Variants in GALNTL6 observed in about 807,000 individuals in gnomAD.
The protein encoded by GALNTL6 is polypeptide N-acetylgalactosaminyltransferase like 6.
In GALNTL6, 46 loss-of-function variants were observed where a neutral mutation model predicts 73.7. The ratio of observed to expected loss-of-function variants is 0.62; its 90% CI spans 0.49 to 0.80. GALNTL6 has a LOEUF of 0.80. GALNTL6 is among the 30% of genes least tolerant of loss of function. The probability of loss-of-function intolerance (pLI) is 0.00; values close to 1 mark genes in which losing one functional copy is unlikely to be tolerated. For missense variants in GALNTL6, 604 were observed against 755.0 expected, an observed-to-expected ratio of 0.80 and a Z score of 2.34; for synonymous variants, 259 against 263.7, an observed-to-expected ratio of 0.98 and a Z score of 0.17.
At chr4:172,756,143 T>C (rs1405665501) in intron 5 of GALNTL6, among the ~76,000 whole-genome samples, 1 of 152,228 alleles carries the variant, frequency 6.6e-6, no homozygotes, top group Non-Finnish European at 1.5e-5. Context: ...AGTAAGTTAT[T>C]ATAGCCAACT....
intron 2 of GALNTL6, among the ~76,000 whole-genome samples, chr4:172,151,839 C>T (rs532728629): frequency 7.9e-5 from 12 of 151,848 alleles, no homozygotes; most frequent in African/African-American, 2.2e-4. Context: ...GGCTGTGACA[C>T]TACCTCTTAT....
chr4:171,944,173 T>C (rs1038280180), intron 2 of GALNTL6, among the ~76,000 whole-genome samples: 1 of 152,008 alleles, frequency 6.6e-6, no homozygotes, highest in East Asian at 1.9e-4. Flanking sequence ...TCTTAAAAGA[T>C]AGATAATTTT....
At chr4:172,978,913 TA>T (rs1305328375) in intron 10 of GALNTL6, among the ~76,000 whole-genome samples, 5 of 152,262 alleles carry the variant, frequency 3.3e-5, no homozygotes. Context: ...ATGAATACGT[TA>T]GAATCAGGCA....
intron 5 of GALNTL6, among the ~76,000 whole-genome samples, chr4:172,660,004 T>C (rs1397418154): frequency 6.6e-6 from 1 of 152,220 alleles, no homozygotes; most frequent in Non-Finnish European, 1.5e-5. Flanking sequence ...AGGAGACCTA[T>C]GTACTTCACC....
chr4:172,125,644 C>A (rs1039788475), intron 2 of GALNTL6, among the ~76,000 whole-genome samples: 1 of 152,192 alleles, frequency 6.6e-6, no homozygotes, highest in Non-Finnish European at 1.5e-5. Flanking sequence ...ATGAGCAGAA[C>A]TTCAGCTTTG....
At chr4:172,406,590 T>A (rs1292609650) in intron 5 of GALNTL6, among the ~76,000 whole-genome samples, 1 of 152,004 alleles carries the variant, frequency 6.6e-6, no homozygotes, top group Non-Finnish European at 1.5e-5. Context: ...CTTCTGTTCC[T>A]AAAGACCTAA....
At chr4:171,931,127 A>C (rs1370904058) in intron 2 of GALNTL6, among the ~76,000 whole-genome samples, 1 of 152,214 alleles carries the variant, frequency 6.6e-6, no homozygotes, top group African/African-American at 2.4e-5. Flanking sequence ...TTCTGCCTGC[A>C]AGTGGCTATT....
intron 7 of GALNTL6, among the ~76,000 whole-genome samples, chr4:172,859,897 C>T (rs565019117): frequency 7.2e-5 from 11 of 152,150 alleles, no homozygotes; most frequent in Non-Finnish European, 1.6e-4. Flanking sequence ...TCTCCCATCA[C>T]CCCCAGATGG....
chr4:172,857,910 G>A (rs1744199419), intron 7 of GALNTL6, among the ~76,000 whole-genome samples: 1 of 152,110 alleles, frequency 6.6e-6, no homozygotes, highest in Admixed American at 6.6e-5. Flanking sequence ...ACTAATCCAT[G>A]GTGACCTGTT....
chr4:172,567,986 G>T (rs995108033), intron 5 of GALNTL6, among the ~76,000 whole-genome samples: 4 of 152,112 alleles, frequency 2.6e-5, no homozygotes, highest in African/African-American at 9.7e-5. Context: ...TTCCTTAGTT[G>T]ATATAGATAA....
intron 7 of GALNTL6, among the ~76,000 whole-genome samples, chr4:172,845,950 T>G (rs550231882): frequency 6.6e-6 from 1 of 152,314 alleles, no homozygotes; most frequent in South Asian, 2.1e-4. Context: ...ATAAGTTCTA[T>G]CCTAATGAAA....
At chr4:172,630,450 A>C (rs995393514) in intron 5 of GALNTL6, among the ~76,000 whole-genome samples, 4 of 152,118 alleles carry the variant, frequency 2.6e-5, no homozygotes, top group African/African-American at 9.7e-5. Flanking sequence ...CAGTCGCTCC[A>C]GGGCAGTATC....
chr4:172,168,599 G>C (rs1734709661), intron 2 of GALNTL6, among the ~76,000 whole-genome samples: 1 of 151,928 alleles, frequency 6.6e-6, no homozygotes, highest in Non-Finnish European at 1.5e-5. Flanking sequence ...GGAGGTGGTG[G>C]TGGTGGTGGT....
chr4:172,851,168 G>A (rs1157365996), intron 7 of GALNTL6, among the ~76,000 whole-genome samples: 1 of 151,986 alleles, frequency 6.6e-6, no homozygotes, highest in African/African-American at 2.4e-5. Flanking sequence ...TAGAACAAAG[G>A]AATCTACTAT....
intron 2 of GALNTL6, among the ~76,000 whole-genome samples, chr4:172,198,233 G>A (rs1387332347): frequency 6.6e-6 from 1 of 151,174 alleles, no homozygotes; most frequent in Non-Finnish European, 1.5e-5. Flanking sequence ...TGCAGCAAAA[G>A]CAAAAATTGA....
chr4:172,939,363 CA>C (rs1482819820), intron 9 of GALNTL6, among the ~76,000 whole-genome samples: 1 of 152,068 alleles, frequency 6.6e-6, no homozygotes, highest in Non-Finnish European at 1.5e-5. Flanking sequence ...TTTTAAAAAT[CA>C]AGGCATCTTC....
At chr4:172,477,293 T>G (rs932623856) in intron 5 of GALNTL6, among the ~76,000 whole-genome samples, 2 of 151,800 alleles carry the variant, frequency 1.3e-5, no homozygotes, top group Admixed American at 1.3e-4. Context: ...GAGGCTGGCA[T>G]TGACAGACCT....
At chr4:171,866,348 T>C (rs1027402818) in intron 2 of GALNTL6, among the ~76,000 whole-genome samples, 6 of 152,162 alleles carry the variant, frequency 3.9e-5, no homozygotes, top group African/African-American at 7.2e-5. Context: ...GATGATATCA[T>C]TTCCAATTAG....
chr4:172,856,747 G>A (rs1324842949), intron 7 of GALNTL6, among the ~76,000 whole-genome samples: 1 of 152,134 alleles, frequency 6.6e-6, no homozygotes, highest in Non-Finnish European at 1.5e-5. Flanking sequence ...ATTCTTTATG[G>A]TAAAGGGGAT....
Sources: gnomAD v4.1 joint callset for allele counts (sites outside exome capture counted in the v4.1 genomes callset) on GRCh38, gnomAD v4.1.1 for gene constraint, MANE v1.5 for transcripts, NCBI Gene and HGNC (gene_info 2026-07-23, HGNC 2026-07-21) for gene names.